The following CLEC17A variants were observed in gnomAD, a reference collection of about 807,000 sequenced individuals.
CLEC17A encodes C-type lectin domain containing 17A, also known as C-type lectin domain family 17, member A.
Under a neutral mutation model 61.3 loss-of-function variants are expected in CLEC17A, and 37 were observed. The observed-to-expected ratio is 0.60, with a 90% CI of 0.46 to 0.79. CLEC17A has a LOEUF of 0.79. Among genes scored for constraint, CLEC17A ranks in the 30% least tolerant of loss-of-function variants. The pLI is 0.00. For synonymous variants in CLEC17A, 168 were observed against 164.9 expected, an observed-to-expected ratio of 1.02 and a Z score of -0.14; for missense variants, 418 against 464.7, an observed-to-expected ratio of 0.90 and a Z score of 0.92.
At chr19:14,591,898 A>ATGTGTGTGTGTG (rs747656450) in intron 3 of CLEC17A, among the ~76,000 whole-genome samples, 2,971 of 138,904 alleles carry the variant, frequency 0.021, 39 homozygotes, top group South Asian at 0.053. Flanking sequence ...CCGGAGAAAA[A>ATGTGTGTGTGTG]TGTGTGTGTG....
In CLEC17A at chr19:14,594,445, CT is replaced by C. The variant is rs776690695; in HGVS notation, c.278-71del. On this transcript the variant is annotated intron_variant, in intron 4 of 13. Transcript: ENST00000417570. ...CCAATCCTCCACTGCAATCCTAACC[CT>C]GTTTCCATCACTTCCTCTTGGCGCA... The C allele has an allele frequency of 3.3e-6, 5 of 1,536,556 alleles. No homozygotes were observed. The South Asian group carries it at 4.8e-5, about 15-fold the overall frequency.
intron 9 of CLEC17A, 28 bp downstream of exon 9, chr19:14,597,041 G>A (rs750580472): frequency 2.0e-5 from 33 of 1,611,306 alleles, no homozygotes; most frequent in Non-Finnish European, 2.6e-5. Context: ...GGGACATGGG[G>A]AGAGATTGGG....
intron 10 of CLEC17A, 198 bp from the exon 11 acceptor site, chr19:14,599,519 G>A (rs747363099): frequency 9.5e-5 from 61 of 644,970 alleles, no homozygotes; most frequent in Non-Finnish European, 1.5e-4. Context: ...CCACATCCCC[G>A]GGATTGATCC....
At chr19:14,601,505 A>T (rs181908854) in intron 12 of CLEC17A, among the ~76,000 whole-genome samples, 28 of 152,322 alleles carry the variant, frequency 1.8e-4, no homozygotes, top group African/African-American at 6.0e-4. Context: ...GTTCCAGTAC[A>T]TGTAAGCAAC....
chr19:14,597,715 C>A (rs1177759507), intron 10 of CLEC17A, among the ~76,000 whole-genome samples: 1 of 152,196 alleles, frequency 6.6e-6, no homozygotes, highest in African/African-American at 2.4e-5. Flanking sequence ...ATCCTCCTGC[C>A]TCAGCCTCTT....
intron 4 of CLEC17A, among the ~76,000 whole-genome samples, chr19:14,592,678 T>G (rs1277367659): frequency 1.3e-5 from 2 of 152,058 alleles, no homozygotes; most frequent in African/African-American, 4.8e-5. Context: ...TTTTTTCTTT[T>G]TTTTTGAGAT....
intron 10 of CLEC17A, among the ~76,000 whole-genome samples, chr19:14,597,439 C>T (rs2146707951): frequency 6.6e-6 from 1 of 152,324 alleles, no homozygotes; most frequent in African/African-American, 2.4e-5. Context: ...GAGATGAGCA[C>T]TAAGTATGAA....
rs772970807 is a variant in CLEC17A at position 14,592,277 on chromosome 19, G to A, written c.200-4G>A. 1.4e-5 allele frequency: 22 copies of A among 1,591,592 alleles called. No individual in the cohort carries two copies. The highest frequency in any genetic ancestry group is 1.7e-4 in the Middle Eastern group (1 of 6,012). ...TGGGCTCTGACTTGCCTTTCCCCTG[G>A]AAGGGACCATGGAGGAGGAGGAGGA... is the stretch of plus-strand genomic sequence containing the variant. On this transcript the variant is annotated splice_region_variant and splice_polypyrimidine_tract_variant and intron_variant, in intron 3 of 13. Coordinates refer to ENST00000417570, the MANE Select transcript of CLEC17A (RefSeq NM_001204118.2).
chr19:14,601,555 G>T (rs1472240738), intron 12 of CLEC17A, among the ~76,000 whole-genome samples: 1 of 152,088 alleles, frequency 6.6e-6, no homozygotes, highest in Non-Finnish European at 1.5e-5. Flanking sequence ...TTTAAGCCTA[G>T]GTAGCCGGCT....
Position 14,599,849 on chromosome 19 carries a change from G to C in CLEC17A, c.742+37G>C, listed in dbSNP as rs745424741. The C allele has an allele frequency of 4.9e-4, 768 of 1,564,976 alleles. 1 individual carries two copies. The highest frequency in any genetic ancestry group is 6.6e-4 in the Non-Finnish European group (750 of 1,141,744). ...TTGGGGAATTGCCCAGGGATGGGGGGCATGGCAGAGCTGGCACATTACATC... is the reference window on the plus strand; with the variant it reads ...TTGGGGAATTGCCCAGGGATGGGGGCCATGGCAGAGCTGGCACATTACATC... On this transcript the variant is annotated intron_variant, in intron 11 of 13. Coordinates refer to ENST00000417570, the MANE Select transcript of CLEC17A (RefSeq NM_001204118.2).
At chr19:14,585,937 G>A (rs1393123261) in intron 2 of CLEC17A, among the ~76,000 whole-genome samples, 1 of 151,262 alleles carries the variant, frequency 6.6e-6, no homozygotes, top group Non-Finnish European at 1.5e-5. Flanking sequence ...ACCATGGAAT[G>A]TGGGGGAATA....
At chr19:14,595,208 T>G in intron 7 of CLEC17A, 66 bp from the exon 8 acceptor site, 1 of 1,566,572 alleles carries the variant, frequency 6.4e-7, no homozygotes, top group Non-Finnish European at 8.8e-7. Flanking sequence ...AAAACAGAGG[T>G]TGTTGATCTT....
At chr19:14,609,658 T>A (rs920274651) in intron 13 of CLEC17A, among the ~76,000 whole-genome samples, 1 of 150,982 alleles carries the variant, frequency 6.6e-6, no homozygotes, top group Non-Finnish European at 1.5e-5. Flanking sequence ...GCCAACATGG[T>A]GAAACCCCGT....
intron 13 of CLEC17A, among the ~76,000 whole-genome samples, chr19:14,607,875 C>T (rs2074941554): frequency 6.6e-6 from 1 of 151,402 alleles, no homozygotes; most frequent in South Asian, 2.1e-4. Flanking sequence ...TGCGCCCAAC[C>T]TTATTTTAGT....
intron 3 of CLEC17A, among the ~76,000 whole-genome samples, chr19:14,588,185 G>A (rs1226699759): frequency 6.6e-6 from 1 of 151,900 alleles, no homozygotes; most frequent in Admixed American, 6.6e-5. Flanking sequence ...ACTGATAAGT[G>A]GTTGTTAAAG....
Position 14,594,528 on chromosome 19 carries a change from C to G in CLEC17A, c.289C>G (p.Pro97Ala), listed in dbSNP as rs1238584776. 8 of 1,596,398 alleles carry G rather than the reference C, an allele frequency of 5.0e-6. No individual in the cohort carries two copies. The highest frequency in any genetic ancestry group is 1.7e-6 in the Non-Finnish European group (2 of 1,172,212). The change falls in exon 5 of 14, where the codon CCA (proline) becomes GCA (alanine). Residue 97 changes from proline to alanine, a missense_variant. By Grantham distance (27) the Pro-to-Ala change is conservative. Coordinates refer to ENST00000417570, the MANE Select transcript of CLEC17A (RefSeq NM_001204118.2). Reference sequence around the variant, plus strand: ...CTTCTCTTCTCCAGGTTCAAGTGCTCCACCAAGACCTCCAAGGGCAGGTGA... The same window carrying G: ...CTTCTCTTCTCCAGGTTCAAGTGCTGCACCAAGACCTCCAAGGGCAGGTGA... ...DLPPKPGSSA[P>A]PRPPRAAKET...
At chr19:14,608,469 G>A (rs1411429989) in intron 13 of CLEC17A, among the ~76,000 whole-genome samples, 3 of 152,060 alleles carry the variant, frequency 2.0e-5, no homozygotes, top group Non-Finnish European at 2.9e-5. Flanking sequence ...GACAGGGACA[G>A]CACCAGGGTG....
At chr19:14,599,544 T>C in intron 10 of CLEC17A, 173 bp from the exon 11 acceptor site, 1 of 684,160 alleles carries the variant, frequency 1.5e-6, no homozygotes, top group East Asian at 2.7e-5. Flanking sequence ...TCTGAGCCAT[T>C]CTCGGATTCT....
chr19:14,594,567 G>T lies in CLEC17A; in HGVS notation c.310+18G>T, dbSNP rs1227511757. On this transcript the variant is annotated intron_variant, in intron 5 of 13. Transcript: ENST00000417570. ...AAGGGCAGGTGAGTTGGGGCTGGGG[G>T]TGTAGGAGACCCAGAGCTGGCTTTG... is the stretch of plus-strand genomic sequence containing the variant. 8 of 1,612,240 alleles carry T rather than the reference G, an allele frequency of 5.0e-6. No individual in the cohort carries two copies. Among genetic ancestry groups the T allele is most frequent in the African/African-American group, 1.3e-5 (1 of 74,722 alleles).
Sources: gnomAD v4.1 joint callset for allele counts (sites outside exome capture counted in the v4.1 genomes callset) on GRCh38, gnomAD v4.1.1 for gene constraint, MANE v1.5 for transcripts, NCBI Gene and HGNC (gene_info 2026-07-23, HGNC 2026-07-21) for gene names.